ATG16L1: variants seen among roughly 807,000 people sequenced by gnomAD.
ATG16L1 encodes autophagy related 16 like 1.
A neutral mutation model predicts 88.5 loss-of-function variants in ATG16L1; 37 were observed. The observed-to-expected ratio is 0.42, with a 90% CI of 0.32 to 0.55. The LOEUF (loss-of-function observed/expected upper bound fraction) is 0.55, where lower values mean the gene tolerates loss of function less well. Among genes scored for constraint, ATG16L1 ranks in the 20% least tolerant of loss-of-function variants. The pLI is 0.13. For synonymous variants in ATG16L1, 301 were observed against 281.0 expected, an observed-to-expected ratio of 1.07 and a Z score of -0.71; for missense variants, 554 against 752.8, an observed-to-expected ratio of 0.74 and a Z score of 3.09.
chr2:233,268,771 G>T (rs1021615722), intron 5 of ATG16L1, among the ~76,000 whole-genome samples: 3 of 152,148 alleles, frequency 2.0e-5, no homozygotes, highest in South Asian at 2.1e-4. Context: ...CATCTTCCAG[G>T]TATAAAATCA....
At chr2:233,274,107 C>CGCTTCACT in intron 8 of ATG16L1, 2 of 1,424,804 alleles carry the variant, frequency 1.4e-6, no homozygotes, top group African/African-American at 1.4e-5. Context: ...TGCCAATCAC[C>CGCTTCACT]GCTTCACTGC....
chr2:233,273,811 A>T, intron 8 of ATG16L1, 34 bp downstream of exon 8: 1 of 1,599,506 alleles, frequency 6.3e-7, no homozygotes. Context: ...TTAAATGTGT[A>T]TAAGTATACC....
intron 17 of ATG16L1, 82 bp downstream of exon 17, chr2:233,293,439 C>T (rs921899131): frequency 7.6e-7 from 1 of 1,313,284 alleles, no homozygotes; most frequent in Non-Finnish European, 1.1e-6. Flanking sequence ...CGGTTTAGAC[C>T]TCAGTCGGCG....
chr2:233,274,522 G>T, intron 8 of ATG16L1, 154 bp from the exon 9 acceptor site: 1 of 552,768 alleles, frequency 1.8e-6, no homozygotes, highest in Non-Finnish European at 3.2e-6. Flanking sequence ...TGATTTTTTT[G>T]TGAATTGTTC....
At chr2:233,280,092 G>A (rs1039668733) in intron 10 of ATG16L1, among the ~76,000 whole-genome samples, 1 of 152,152 alleles carries the variant, frequency 6.6e-6, no homozygotes, top group Non-Finnish European at 1.5e-5. Flanking sequence ...CAGAGGAGAG[G>A]TTCATCAACC....
At chr2:233,268,974 A>T (rs1697794430) in intron 5 of ATG16L1, among the ~76,000 whole-genome samples, 1 of 152,206 alleles carries the variant, frequency 6.6e-6, no homozygotes, top group Non-Finnish European at 1.5e-5. Flanking sequence ...TAGCAGGCAT[A>T]GCCATAGTTA....
In ATG16L1 at chr2:233,264,912, C is replaced by T. The variant is rs768003622; in HGVS notation, c.410C>T (p.Thr137Ile). 6.2e-7 allele frequency: 1 copy of T among 1,613,984 alleles called. No homozygotes were observed. Among genetic ancestry groups the T allele is most frequent in the Non-Finnish European group, 8.5e-7 (1 of 1,179,874 alleles). ...TCCAGAATTGCAGAATGTTTGCAGA[C>T]TATCTCTGACCTGGAGACGGAGTGC... Reference protein sequence around the residue: ...NEAKIAECLQTISDLETECLD... With the variant: ...NEAKIAECLQIISDLETECLD... The change falls in exon 5 of 18, where the codon ACT (threonine) becomes ATT (isoleucine). Residue 137 changes from threonine (T) to isoleucine (I), a missense_variant. This residue lies in a region of ATG16L1 where 50 missense variants were observed against 49.4 expected (regional missense o/e 1.01). Transcript: ENST00000392017.
chr2:233,293,548 G>C (rs1699609238), intron 17 of ATG16L1, among the ~76,000 whole-genome samples, 191 bp downstream of exon 17: 1 of 152,164 alleles, frequency 6.6e-6, no homozygotes, highest in Admixed American at 6.5e-5. Context: ...ACAGTCTACA[G>C]AGTACGCCAG....
chr2:233,265,090 T>C lies in ATG16L1; in HGVS notation c.588T>C (p.Ala196=). The change falls in exon 5 of 18, where the codon GCT becomes GCC. Residue 196 remains alanine, a synonymous_variant. Transcript: ENST00000392017. ...AGGAGCTGGTCACCAGATGGATGGC[T>C]GAGAAAGCCCAGGAAGCCAATCGGC... is the stretch of plus-strand genomic sequence containing the variant. ...ENQELVTRWM[A]EKAQEANRLN... 6.2e-7 allele frequency: 1 copy of C among 1,614,118 alleles called. No homozygotes were observed. Among genetic ancestry groups the C allele is most frequent in the Non-Finnish European group, 8.5e-7 (1 of 1,180,020 alleles).
At chr2:233,290,005 T>C in intron 13 of ATG16L1, 31 bp downstream of exon 13, 1 of 1,610,364 alleles carries the variant, frequency 6.2e-7, no homozygotes, top group Admixed American at 1.7e-5. Context: ...TGTCTGTGTA[T>C]ATGCTTAGAT....
chr2:233,277,019 G>C lies in ATG16L1; in HGVS notation c.955-549G>C, dbSNP rs1390691646. 3 of 152,356 alleles carry C rather than the reference G, an allele frequency of 2.0e-5. No individual in the cohort carries two copies. In the East Asian group the frequency reaches 5.8e-4, roughly 29 times the overall value. The allele number at this position is 152,356 out of a possible 1,614,324, so 9.4% of individuals were successfully genotyped here. A position where few individuals can be genotyped will look rare whatever the true frequency, so the allele number is the denominator to read the frequency against. On this transcript the variant is annotated intron_variant, in intron 9 of 17. Coordinates refer to ENST00000392017, the MANE Select transcript of ATG16L1 (RefSeq NM_030803.7). The stretch of plus-strand genomic sequence containing the variant: ...GAGGTCACACTGCCAGTACACACTA[G>C]TCCCATAATGTTTCCAGAAAGAACT...
intron 5 of ATG16L1, 31 bp from the exon 6 acceptor site, chr2:233,269,968 AAAT>A: frequency 6.4e-7 from 1 of 1,562,582 alleles, no homozygotes; most frequent in Non-Finnish European, 8.6e-7. Context: ...AAGCAGACAT[AAAT>A]GGTGGGCTTT....
chr2:233,290,646 GA>G (rs34378540), intron 14 of ATG16L1, among the ~76,000 whole-genome samples: 100,349 of 151,982 alleles, frequency 0.66, 33,333 homozygotes, highest in South Asian at 0.77. Flanking sequence ...AGGGAAGGCA[GA>G]ACGCAAAAGT....
chr2:233,258,245 C>T (rs949853915), intron 2 of ATG16L1, among the ~76,000 whole-genome samples: 4 of 152,268 alleles, frequency 2.6e-5, no homozygotes, highest in Admixed American at 1.3e-4. Context: ...GAAATCTCCA[C>T]ACATTTAGCA....
rs560737313 is a variant in ATG16L1 at position 233,255,012 on chromosome 2, C to T, written c.116-1090C>T. On this transcript the variant is annotated intron_variant, in intron 1 of 17. Coordinates refer to ENST00000392017, the MANE Select transcript of ATG16L1 (RefSeq NM_030803.7). ...TTATTTAGAGACAGTCTCACTCTGT[C>T]GCCCAGGCTGGAGTGCAGTGGCGCG... 1.3e-3 allele frequency among the ~76,000 whole-genome samples: 205 copies of T among 152,164 alleles called. 1 individual carries two copies. The highest frequency in any genetic ancestry group is 4.6e-3 in the African/African-American group (193 of 41,520).
At chr2:233,290,954 T>A (rs1699422139) in intron 14 of ATG16L1, among the ~76,000 whole-genome samples, 1 of 151,856 alleles carries the variant, frequency 6.6e-6, no homozygotes, top group Non-Finnish European at 1.5e-5. Flanking sequence ...TTTGCAGGAG[T>A]CTAGTAGACG....
Position 233,264,953 on chromosome 2 carries a change from A to G in ATG16L1, c.451A>G (p.Lys151Glu), listed in dbSNP as rs1697468420. 1 of 1,614,108 alleles carries G rather than the reference A, an allele frequency of 6.2e-7. No individual in the cohort carries two copies. The highest frequency in any genetic ancestry group is 8.5e-7 in the Non-Finnish European group (1 of 1,179,966). ...GACGGAGTGCCTAGACCTGCGCACT[A>G]AGCTTTGTGACCTTGAAAGAGCCAA... The part of the protein sequence containing the change: ...LETECLDLRT[K>E]LCDLERANQT... Residue 151 changes from lysine (K) to glutamate (E), a missense_variant, in exon 5 of 18, where the codon AAG (lysine) becomes GAG (glutamate). Physicochemically the swap from Lys to Glu is moderately conservative, Grantham distance 56. This residue lies in a region of ATG16L1 where 50 missense variants were observed against 49.4 expected (regional missense o/e 1.01). Coordinates refer to ENST00000392017, the MANE Select transcript of ATG16L1 (RefSeq NM_030803.7).
chr2:233,283,315 GGGGCGGA>G (rs1698839897), intron 12 of ATG16L1, among the ~76,000 whole-genome samples: 1 of 152,140 alleles, frequency 6.6e-6, no homozygotes, highest in African/African-American at 2.4e-5. Context: ...ATTGGGGCAG[GGGGCGGA>G]GGGCGAAGCA....
At chr2:233,254,990 T>C (rs1042104505) in intron 1 of ATG16L1, among the ~76,000 whole-genome samples, 1 of 137,928 alleles carries the variant, frequency 7.3e-6, no homozygotes, top group African/African-American at 2.6e-5. Flanking sequence ...TATTTATTTA[T>C]TTAGAGACAG....
Sources: gnomAD v4.1 joint callset for allele counts (sites outside exome capture counted in the v4.1 genomes callset) on GRCh38, gnomAD v4.1.1 for gene constraint, gnomAD v4.1.1 regional missense constraint, MANE v1.5 for transcripts, NCBI Gene and HGNC (gene_info 2026-07-23, HGNC 2026-07-21) for gene names.